The following PACS2 variants were observed in gnomAD, a reference collection of about 807,000 sequenced individuals.
The protein encoded by PACS2 is phosphofurin acidic cluster sorting protein 2, also known as PACS1-like protein.
PACS2 carries 36 observed loss-of-function variants against 113.0 expected under a neutral mutation model. That is an observed-to-expected ratio of 0.32 (90% CI 0.24 to 0.42). The LOEUF (loss-of-function observed/expected upper bound fraction) is 0.42. PACS2 is among the 10% of genes least tolerant of loss of function. PACS2 has a pLI of 1.00. For synonymous variants in PACS2, 589 were observed against 536.1 expected (o/e 1.10, Z -1.36); for missense variants, 1,015 against 1,239.5 (o/e 0.82, Z 2.72).
chr14:105,395,664 G>A lies in PACS2; in HGVS notation c.*992G>A, dbSNP rs1347410240. The A allele has an allele frequency of 8.5e-5, 13 of 152,360 alleles. No individual in the cohort carries two copies. The highest frequency in any genetic ancestry group is 3.1e-4 in the African/African-American group (13 of 41,464). The allele number at this position is 152,360 out of a possible 1,614,324, so 9.4% of individuals were successfully genotyped here. The stretch of plus-strand genomic sequence containing the variant: ...TAGCCAATGAAGATTCCAGCGGGAT[G>A]GCCTGACCAGCGGGGCCGGCACTTT... On this transcript the variant is annotated 3_prime_UTR_variant, in exon 25 of 25. Transcript: ENST00000447393.
chr14:105,393,532 AC>A (rs2081434220), intron 24 of PACS2, 197 bp downstream of exon 24: 2 of 476,592 alleles, frequency 4.2e-6, no homozygotes, highest in Admixed American at 4.1e-5. Flanking sequence ...TTTTTTTTCA[AC>A]CCTTTTTGCT....
intron 4 of PACS2, among the ~76,000 whole-genome samples, chr14:105,360,266 G>T (rs1056188041): frequency 2.0e-5 from 3 of 152,152 alleles, no homozygotes; most frequent in Non-Finnish European, 4.4e-5. Flanking sequence ...AAAGCTGGGT[G>T]CGGTGGCTCA....
intron 11 of PACS2, 82 bp from the exon 12 acceptor site, chr14:105,380,875 G>A (rs781991933): frequency 3.0e-5 from 42 of 1,394,388 alleles, no homozygotes; most frequent in Non-Finnish European, 3.7e-5. Context: ...ACCCTCACCC[G>A]AGCCAGAGGC....
chr14:105,362,215 A>C (rs113082544), intron 4 of PACS2, among the ~76,000 whole-genome samples: 4 of 151,128 alleles, frequency 2.6e-5, no homozygotes, highest in Admixed American at 1.3e-4. Context: ...TCAGGAGATC[A>C]AGACCATCCT....
At chr14:105,306,287 GTTTGT>G (rs202210208) in intron 1 of PACS2, among the ~76,000 whole-genome samples, 2,658 of 151,482 alleles carry the variant, frequency 0.018, 80 homozygotes, top group African/African-American at 0.058. Flanking sequence ...TTGTTTTTGG[GTTTGT>G]TTTGTTTTGT....
upstream of PACS2, among the ~76,000 whole-genome samples, chr14:105,309,621 C>A (rs1345975221): frequency 6.6e-6 from 1 of 152,214 alleles, no homozygotes; most frequent in East Asian, 1.9e-4. This position sits in a 1 kb window ranked among gnomAD's most constrained non-coding sequence, Gnocchi z 4.0. Flanking sequence ...CAGAGCTGCT[C>A]TGGGTCCTGC....
intron 20 of PACS2, chr14:105,390,751 C>T (rs929895293): frequency 9.2e-5 from 18 of 195,800 alleles, no homozygotes; most frequent in Non-Finnish European, 1.3e-4. Flanking sequence ...GAGCTTTCTC[C>T]GGTGACAAGA....
chr14:105,390,972 G>A, intron 20 of PACS2: 1 of 584,470 alleles, frequency 1.7e-6, no homozygotes, highest in South Asian at 2.0e-5. Flanking sequence ...TTTAGAGAGA[G>A]CAGTCCCTCC....
chr14:105,345,451 TTTTC>T (rs1268536245), intron 1 of PACS2, among the ~76,000 whole-genome samples: 1 of 152,222 alleles, frequency 6.6e-6, no homozygotes, highest in African/African-American at 2.4e-5. Flanking sequence ...TTTGAATCTT[TTTTC>T]TTTTCTGACA....
chr14:105,348,645 C>G lies in PACS2; in HGVS notation c.207+65C>G. Reference sequence around the variant, plus strand: ...GTAGGCTTTCCATGTGCCTGGGAGACGAGTCAGGCGGTGCGCTACTGTGGG... The same window carrying G: ...GTAGGCTTTCCATGTGCCTGGGAGAGGAGTCAGGCGGTGCGCTACTGTGGG... On this transcript the variant is annotated intron_variant, in intron 2 of 24. Transcript: ENST00000447393. The surrounding 1 kb of genome is among the most constrained non-coding windows in gnomAD (Gnocchi z 6.4). The G allele has an allele frequency of 3.4e-6, 4 of 1,189,732 alleles. No homozygotes were observed. The highest frequency in any genetic ancestry group is 3.7e-6 in the Non-Finnish European group (3 of 801,826). 73.7% of individuals were successfully genotyped at this position (1,189,732 alleles called of 1,614,324 possible).
chr14:105,393,182 GA>G, intron 23 of PACS2, 39 bp from the exon 24 acceptor site: 1 of 1,509,306 alleles, frequency 6.6e-7, no homozygotes, highest in Non-Finnish European at 9.2e-7. Flanking sequence ...AGCCCCGAAG[GA>G]GCAGCAAGAT....
In PACS2 at chr14:105,339,636, C is replaced by T. The variant is rs782583790; in HGVS notation, c.120-8857C>T. On this transcript the variant is annotated intron_variant, in intron 1 of 24. Transcript: ENST00000447393. ...TCCTGAGCACAGGGGTTCAAGGCTG[C>T]AGTGAGCCGTGATTGCACCACTACA... 5.3e-5 allele frequency among the ~76,000 whole-genome samples: 8 copies of T among 150,654 alleles called. 1 individual carries two copies. The South Asian group carries it at 6.3e-4, about 12-fold the overall frequency.
intron 17 of PACS2, 53 bp downstream of exon 17, chr14:105,384,516 G>C: frequency 1.7e-6 from 2 of 1,155,236 alleles, no homozygotes; most frequent in East Asian, 2.5e-5. Flanking sequence ...AAGGGGCCCC[G>C]GTTTCCCCAG....
In PACS2 at chr14:105,355,055, C is replaced by A; in HGVS notation, c.301C>A (p.Pro101Thr). 6.2e-7 allele frequency: 1 copy of A among 1,613,128 alleles called. No homozygotes were observed. Among genetic ancestry groups the A allele is most frequent in the Middle Eastern group, 1.7e-4 (1 of 6,058 alleles). The change falls in exon 4 of 25, where the codon CCT (proline) becomes ACT (threonine). Residue 101 changes from proline to threonine, a missense_variant. Pro to Thr is a conservative substitution (Grantham distance 38). Transcript: ENST00000447393. The surrounding 1 kb of genome is among the most constrained non-coding windows in gnomAD (Gnocchi z 4.1). ...DLALTFSLQY[P>T]HFLKREGNKL... is the part of the protein sequence containing the mutation. Reference sequence around the variant, plus strand: ...CCACTCGCACTTGTGCCCACAGTATCCTCACTTCTTGAAGAGGGAAGGCAA... The same window carrying A: ...CCACTCGCACTTGTGCCCACAGTATACTCACTTCTTGAAGAGGGAAGGCAA...
At chr14:105,378,405 G>T (rs2080861503) in intron 9 of PACS2, among the ~76,000 whole-genome samples, 1 of 152,156 alleles carries the variant, frequency 6.6e-6, no homozygotes, top group African/African-American at 2.4e-5. Context: ...TTTTTTAGGG[G>T]GCGGGGGAGT....
At chr14:105,319,819 T>C (rs932199086) in intron 1 of PACS2, among the ~76,000 whole-genome samples, 1 of 152,244 alleles carries the variant, frequency 6.6e-6, no homozygotes, top group East Asian at 1.9e-4. Flanking sequence ...GGATAGCCTT[T>C]ATGCACTTAA....
rs772873438 is a variant in PACS2 at position 105,315,708 on chromosome 14, C to T, written c.119+671C>T. The T allele has an allele frequency of 6.6e-6, 1 of 152,306 alleles. No homozygotes were observed. The highest frequency in any genetic ancestry group is 1.5e-5 in the Non-Finnish European group (1 of 68,080). 9.4% of individuals were successfully genotyped at this position (152,306 alleles called of 1,614,324 possible). A position where few individuals can be genotyped will look rare whatever the true frequency, so the allele number is the denominator to read the frequency against. On this transcript the variant is annotated intron_variant, in intron 1 of 24. Transcript: ENST00000447393. This position sits in a 1 kb window ranked among gnomAD's most constrained non-coding sequence, Gnocchi z 4.4. ...CGGTAACGATTGGACAGGGTTTACC[C>T]TCCGGCCATAGCCCAGCCTTCCTTG...
chr14:105,367,340 G>A lies in PACS2; in HGVS notation c.551G>A (p.Ser184Asn). The part of the protein sequence containing the change: ...LSSQPIDHED[S>N]TMQAGPKAKS... ...AGCCAGCCCATTGACCACGAAGACA[G>A]CACCATGCAGGCCGGCCCCAAGGCC... is the stretch of plus-strand genomic sequence containing the variant. The change falls in exon 5 of 25, where the codon AGC becomes AAC. Residue 184 changes from serine (S) to asparagine (N), a missense_variant. Around this residue, in one of 3 missense-constraint regions of PACS2, gnomAD observed 859 missense variants for 1,056.8 expected, o/e 0.81. Coordinates refer to ENST00000447393, the MANE Select transcript of PACS2 (RefSeq NM_001100913.3). The A allele has an allele frequency of 6.2e-7, 1 of 1,613,376 alleles. No homozygotes were observed. The highest frequency in any genetic ancestry group is 8.5e-7 in the Non-Finnish European group (1 of 1,180,002).
In PACS2 at chr14:105,342,065, C is replaced by T. The variant is rs587669250; in HGVS notation, c.120-6428C>T. 6.3e-4 allele frequency among the ~76,000 whole-genome samples: 96 copies of T among 152,320 alleles called. 2 individuals are homozygous for T. In the South Asian group the frequency reaches 0.017, roughly 27 times the overall value. On this transcript the variant is annotated intron_variant, in intron 1 of 24. Transcript: ENST00000447393. ...AGGAACGTGAGCTTCTGGAAACGAG[C>T]GTGGAAGCCTGAGTGGTGAGGAAGG...
Sources: gnomAD v4.1 joint callset for allele counts (sites outside exome capture counted in the v4.1 genomes callset) on GRCh38, gnomAD v4.1.1 for gene constraint, gnomAD v4.1.1 regional missense constraint, Gnocchi (gnomAD v3.1) non-coding constraint, MANE v1.5 for transcripts, NCBI Gene and HGNC (gene_info 2026-07-23, HGNC 2026-07-21) for gene names.